Variants in STK32B observed in about 807,000 individuals in gnomAD.
STK32B encodes the protein serine/threonine-protein kinase 32B.
STK32B carries 43 observed loss-of-function variants against 52.6 expected under a neutral mutation model. The observed-to-expected ratio is 0.82, with a 90% confidence interval of 0.64 to 1.05. The LOEUF is 1.05. Among genes scored for constraint, STK32B ranks in the 50% least tolerant of loss-of-function variants. The pLI, the probability that STK32B is intolerant of heterozygous loss-of-function variation, is 0.00. For synonymous variants in STK32B, 238 were observed against 204.3 expected, an observed-to-expected ratio of 1.17 and a Z score of -1.41; for missense variants, 621 against 534.6, an observed-to-expected ratio of 1.16 and a Z score of -1.59.
chr4:5,020,445 C>G, the STK32B span, among the ~76,000 whole-genome samples: 4 of 152,176 alleles, frequency 2.6e-5, no homozygotes, highest in Admixed American at 6.5e-5. Context: ...TCCAAGTGAT[C>G]GGAGCTAATA....
At chr4:5,140,230 A>C (rs1421033395) in intron 2 of STK32B, 2 of 1,462,410 alleles carry the variant, frequency 1.4e-6, no homozygotes, top group East Asian at 2.9e-5. Context: ...TGAGAATCTA[A>C]GTGAGGAAAG....
chr4:5,491,197 A>G (rs900508003), intron 11 of STK32B, among the ~76,000 whole-genome samples: 2 of 152,192 alleles, frequency 1.3e-5, no homozygotes, highest in African/African-American at 2.4e-5. Flanking sequence ...CCAACAGTGT[A>G]AAAGTGTTCC....
At chr4:5,245,938 A>G (rs1348329846) in intron 3 of STK32B, among the ~76,000 whole-genome samples, 2 of 152,182 alleles carry the variant, frequency 1.3e-5, no homozygotes, top group Admixed American at 6.5e-5. Flanking sequence ...CTGCTGAGAG[A>G]TCCACTGTTA....
At chr4:5,314,730 T>C (rs902241483) in intron 3 of STK32B, among the ~76,000 whole-genome samples, 1 of 152,028 alleles carries the variant, frequency 6.6e-6, no homozygotes, top group Non-Finnish European at 1.5e-5. Flanking sequence ...ATAAAACTTT[T>C]GAGAAAAAAC....
chr4:5,104,030 C>T lies in STK32B; in HGVS notation c.53-35875C>T, dbSNP rs116564131. On this transcript the variant is annotated intron_variant, in intron 1 of 11. Coordinates refer to ENST00000282908, the MANE Select transcript of STK32B (RefSeq NM_018401.3). ...CTTATTCCTGACTTTGGTGGAAATG[C>T]CTCGAAAGTTTTAACAGTAAGAATG... is the stretch of plus-strand genomic sequence containing the variant. Among the ~76,000 whole-genome samples, 535 of 152,070 alleles carry T rather than the reference C, an allele frequency of 3.5e-3. 1 individual carries two copies. Among genetic ancestry groups the T allele is most frequent in the African/African-American group, 0.012 (496 of 41,464 alleles).
intron 6 of STK32B, among the ~76,000 whole-genome samples, chr4:5,439,814 C>T (rs992729736): frequency 9.9e-5 from 15 of 151,806 alleles, no homozygotes; most frequent in Non-Finnish European, 1.5e-5. Context: ...TTTCAGCTTT[C>T]TCCATATGGC....
At chr4:5,495,404 C>T (rs565495157) in intron 11 of STK32B, among the ~76,000 whole-genome samples, 36 of 152,280 alleles carry the variant, frequency 2.4e-4, no homozygotes, top group East Asian at 7.7e-4. Context: ...ATGTAGTTCT[C>T]GAGCCTTGGC....
At chr4:5,364,100 C>CAT (rs1360368003) in intron 4 of STK32B, among the ~76,000 whole-genome samples, 3 of 152,024 alleles carry the variant, frequency 2.0e-5, no homozygotes, top group African/African-American at 7.3e-5. Context: ...ACCCCCCCCA[C>CAT]TGTCCACAGG....
At chr4:5,185,872 A>T (rs1176900180) in intron 3 of STK32B, among the ~76,000 whole-genome samples, 3 of 152,046 alleles carry the variant, frequency 2.0e-5, no homozygotes, top group African/African-American at 7.2e-5. Context: ...TCATCCCCTG[A>T]CACCCACCCC....
the STK32B span, among the ~76,000 whole-genome samples, chr4:5,040,388 ATTTTTTTTTTTTT>A: frequency 1.8e-3 from 217 of 118,720 alleles, 5 homozygotes; most frequent in East Asian, 0.037. Context: ...TGGCAGTAGA[ATTTTTTTTTTTTT>A]TTTTTTTTTT....
At chr4:5,336,972 T>C (rs1309662554) in intron 4 of STK32B, among the ~76,000 whole-genome samples, 2 of 152,086 alleles carry the variant, frequency 1.3e-5, no homozygotes, top group South Asian at 2.1e-4. Flanking sequence ...GAATTTCTTT[T>C]GTTTTTGTTT....
At position 5,449,458 on chromosome 4, in the gene STK32B, C is replaced by A. The variant is rs181355359; in HGVS notation, c.666+2682C>A. 2.6e-3 allele frequency among the ~76,000 whole-genome samples: 401 copies of A among 152,248 alleles called. 1 individual carries two copies. The highest frequency in any genetic ancestry group is 3.9e-3 in the Non-Finnish European group (267 of 68,020). ...TTAATATGGCTTGTTAGCCAGGGAC[C>A]CAGGAAAACAGCTGTTTCTCCTCAT... On this transcript the variant is annotated intron_variant, in intron 7 of 11. Coordinates refer to ENST00000282908, the MANE Select transcript of STK32B (RefSeq NM_018401.3).
intron 1 of STK32B, among the ~76,000 whole-genome samples, chr4:5,088,824 T>G (rs1712882888): frequency 6.6e-6 from 1 of 151,880 alleles, no homozygotes; most frequent in African/African-American, 2.4e-5. Flanking sequence ...TATAGTTGAA[T>G]GTTTACATTA....
Position 5,479,123 on chromosome 4 carries a change from GTTT to G in STK32B, c.1106+11066_1106+11068del, listed in dbSNP as rs5855856. Among the ~76,000 whole-genome samples the G allele has an allele frequency of 2.9e-5, 4 of 139,404 alleles. No individual in the cohort carries two copies. In the South Asian group the frequency reaches 9.2e-4, roughly 32 times the overall value. 91.5% of individuals were successfully genotyped at this position (139,404 alleles called of 152,430 possible). ...TTTTTGTTTGTTTGTTTTTGTTTTT[GTTT>G]TTTTTTTTTTTTAGATGGAGTCCTG... On this transcript the variant is annotated intron_variant, in intron 11 of 11. Transcript: ENST00000282908.
chr4:5,317,070 AT>A (rs1420827674), intron 3 of STK32B, among the ~76,000 whole-genome samples: 1 of 42,648 alleles, frequency 2.3e-5, no homozygotes, highest in African/African-American at 2.2e-4. Flanking sequence ...GATATAATAT[AT>A]TATATATTAT....
chr4:5,221,375 C>T (rs1560235772), intron 3 of STK32B, among the ~76,000 whole-genome samples: 1 of 152,096 alleles, frequency 6.6e-6, no homozygotes, highest in East Asian at 1.9e-4. Flanking sequence ...TGGCCAAATT[C>T]CTATAGGATA....
At chr4:5,200,670 C>A (rs765278656) in intron 3 of STK32B, among the ~76,000 whole-genome samples, 1 of 152,254 alleles carries the variant, frequency 6.6e-6, no homozygotes, top group East Asian at 1.9e-4. Context: ...GAAACTTCTT[C>A]CTCCAGCTTA....
chr4:5,259,158 C>T (rs1454909431), intron 3 of STK32B, among the ~76,000 whole-genome samples: 1 of 152,222 alleles, frequency 6.6e-6, no homozygotes, highest in Non-Finnish European at 1.5e-5. Flanking sequence ...ATTACCCACA[C>T]ACCTCCTCTA....
chr4:5,419,290 T>C (rs1712427467), intron 6 of STK32B, among the ~76,000 whole-genome samples: 1 of 152,316 alleles, frequency 6.6e-6, no homozygotes, highest in African/African-American at 2.4e-5. Flanking sequence ...TTTCCTGGCT[T>C]TGTTCTCCTC....
Sources: allele counts gnomAD v4.1 joint callset (sites outside exome capture counted in the v4.1 genomes callset), GRCh38; gene constraint gnomAD v4.1.1; transcripts MANE v1.5; gene names NCBI Gene and HGNC (gene_info 2026-07-23, HGNC 2026-07-21).